MAN1C1: variants seen among roughly 807,000 people sequenced by gnomAD.
The protein encoded by MAN1C1 is mannosyl-oligosaccharide 1,2-alpha-mannosidase IC.
A neutral mutation model predicts 71.5 loss-of-function variants in MAN1C1; 49 were observed. The observed-to-expected ratio is 0.69, with a 90% confidence interval of 0.54 to 0.87. MAN1C1 has a LOEUF of 0.87. MAN1C1 is among the 40% of genes least tolerant of loss of function. The probability of loss-of-function intolerance (pLI) is 0.00; values close to 1 mark genes in which losing one functional copy is unlikely to be tolerated. For synonymous variants in MAN1C1, 352 were observed against 343.7 expected, an observed-to-expected ratio of 1.02 and a Z score of -0.27; for missense variants, 743 against 835.0, an observed-to-expected ratio of 0.89 and a Z score of 1.36.
chr1:25,771,825 TCTCACGGCCGAGCGAGGGTGCTGCGG>T, intron 8 of MAN1C1, 53 bp downstream of exon 8: 1 of 1,466,456 alleles, frequency 6.8e-7, no homozygotes, highest in Non-Finnish European at 9.5e-7. Flanking sequence ...CCCCCGGCTC[TCTCACGGCCGAGCGAGGGTGCTGCGG>T]GCAGCGGGGC....
rs1043171373 is a variant in MAN1C1 at position 25,700,168 on chromosome 1, A to C, written c.637+13632A>C. Among the ~76,000 whole-genome samples the C allele has an allele frequency of 2.0e-5, 3 of 152,314 alleles. No homozygotes were observed. In the South Asian group the frequency reaches 6.2e-4, roughly 32 times the overall value. On this transcript the variant is annotated intron_variant, in intron 2 of 11. Coordinates refer to ENST00000374332, the MANE Select transcript of MAN1C1 (RefSeq NM_020379.4). ...TGTTTTTAATGACTGGATAAAGCAC[A>C]ATTGCATTTTCTCCCCCAATAACTT...
At chr1:25,635,284 T>G (rs945923686) in intron 1 of MAN1C1, among the ~76,000 whole-genome samples, 38 of 151,698 alleles carry the variant, frequency 2.5e-4, no homozygotes, top group African/African-American at 8.7e-4. Context: ...TTGGGGGGGG[T>G]TAATTATTAA....
At chr1:25,696,629 C>CT (rs1273895073) in intron 2 of MAN1C1, among the ~76,000 whole-genome samples, 1 of 151,886 alleles carries the variant, frequency 6.6e-6, no homozygotes, top group East Asian at 1.9e-4. Flanking sequence ...AGCTGCTGTT[C>CT]TTTTTTTACT....
At position 25,709,182 on chromosome 1, in the gene MAN1C1, C is replaced by T. The variant is rs755703789; in HGVS notation, c.637+22646C>T. On this transcript the variant is annotated intron_variant, in intron 2 of 11. Transcript: ENST00000374332. ...TTTGAGAAGTGAAAGGCGGTATAGACGGCTGTCCTCCATGCCTTGGATTGT... is the reference window on the plus strand; with the variant it reads ...TTTGAGAAGTGAAAGGCGGTATAGATGGCTGTCCTCCATGCCTTGGATTGT... 9.9e-5 allele frequency among the ~76,000 whole-genome samples: 15 copies of T among 152,152 alleles called. No individual in the cohort carries two copies. The East Asian group carries it at 1.2e-3, about 12-fold the overall frequency.
chr1:25,781,189 G>C, intron 10 of MAN1C1, 77 bp downstream of exon 10: 3 of 1,539,228 alleles, frequency 1.9e-6, no homozygotes, highest in Non-Finnish European at 2.7e-6. Context: ...AGGTGCCCTG[G>C]CTTGGGCCTG....
chr1:25,676,559 T>C (rs80202126), intron 1 of MAN1C1, among the ~76,000 whole-genome samples: 2,704 of 152,150 alleles, frequency 0.018, 70 homozygotes, highest in African/African-American at 0.061. Context: ...GAGAAAAAAA[T>C]CAACCCAATG....
At chr1:25,651,188 TC>T (rs1240092222) in intron 1 of MAN1C1, among the ~76,000 whole-genome samples, 1 of 152,192 alleles carries the variant, frequency 6.6e-6, no homozygotes, top group Non-Finnish European at 1.5e-5. Context: ...CAGTGGGGAA[TC>T]CTCTGCCACA....
intron 1 of MAN1C1, among the ~76,000 whole-genome samples, chr1:25,639,398 G>A (rs1047298195): frequency 4.6e-5 from 7 of 152,036 alleles, no homozygotes; most frequent in Non-Finnish European, 7.4e-5. Flanking sequence ...ACATCTTAAC[G>A]TGTTTAGACA....
At chr1:25,755,234 G>T (rs2047270879) in intron 5 of MAN1C1, among the ~76,000 whole-genome samples, 1 of 152,236 alleles carries the variant, frequency 6.6e-6, no homozygotes, top group African/African-American at 2.4e-5. Flanking sequence ...ACCGGCCTGG[G>T]AGACTGAGGC....
At chr1:25,749,188 G>A in intron 3 of MAN1C1, 67 bp from the exon 4 acceptor site, 1 of 1,334,390 alleles carries the variant, frequency 7.5e-7, no homozygotes, top group Non-Finnish European at 1.1e-6. Flanking sequence ...TGGCCAGGGT[G>A]ACCTGTCTCA....
In MAN1C1 at chr1:25,778,751, CG is replaced by C. The variant is rs1056938476; in HGVS notation, c.1477+429del. Reference sequence around the variant, plus strand: ...TTCAAATGTGCCTCTGCCTTTCCCCCGGCACCCTCCTTAGAGGGGGTTTCAC... The same window carrying C: ...TTCAAATGTGCCTCTGCCTTTCCCCCGCACCCTCCTTAGAGGGGGTTTCAC... On this transcript the variant is annotated intron_variant, in intron 9 of 11. Transcript: ENST00000374332. This position sits in a 1 kb window ranked among gnomAD's most constrained non-coding sequence, Gnocchi z 5.5. Among the ~76,000 whole-genome samples, 1 of 152,130 alleles carries C rather than the reference CG, an allele frequency of 6.6e-6. No homozygotes were observed. The highest frequency in any genetic ancestry group is 2.4e-5 in the African/African-American group (1 of 41,420).
chr1:25,683,254 T>A (rs934268151), intron 1 of MAN1C1, among the ~76,000 whole-genome samples: 1 of 152,172 alleles, frequency 6.6e-6, no homozygotes, highest in Admixed American at 6.5e-5. Context: ...GAACTCTTGT[T>A]CATCTGTCCA....
intron 2 of MAN1C1, among the ~76,000 whole-genome samples, chr1:25,695,851 C>T (rs991505885): frequency 1.4e-4 from 22 of 152,358 alleles, no homozygotes; most frequent in Admixed American, 8.5e-4. Flanking sequence ...CTCTGGGCCT[C>T]GTCTCTTCAT....
intron 1 of MAN1C1, among the ~76,000 whole-genome samples, chr1:25,679,006 C>CGAGA (rs571148290): frequency 6.8e-6 from 1 of 147,604 alleles, no homozygotes; most frequent in African/African-American, 2.5e-5. Context: ...AGAGAGGAGA[C>CGAGA]GAGAGAGAGA....
chr1:25,684,038 C>T (rs1204221591), intron 1 of MAN1C1, among the ~76,000 whole-genome samples: 2 of 152,172 alleles, frequency 1.3e-5, no homozygotes, highest in African/African-American at 4.8e-5. Flanking sequence ...CACGTAGATA[C>T]CTATGATTCT....
chr1:25,626,902 G>A (rs528627334), intron 1 of MAN1C1, among the ~76,000 whole-genome samples: 13 of 152,204 alleles, frequency 8.5e-5, no homozygotes, highest in African/African-American at 4.8e-5. Context: ...AAAGGCCAGT[G>A]TATCAGTATT....
chr1:25,638,143 A>T (rs570186945), intron 1 of MAN1C1, among the ~76,000 whole-genome samples: 4 of 152,192 alleles, frequency 2.6e-5, no homozygotes, highest in African/African-American at 9.6e-5. Flanking sequence ...GAATTAATCA[A>T]GTATTTCAGA....
At chr1:25,724,027 T>A (rs976696088) in intron 2 of MAN1C1, among the ~76,000 whole-genome samples, 9 of 131,216 alleles carry the variant, frequency 6.9e-5, no homozygotes, top group African/African-American at 2.8e-4. Flanking sequence ...ACTGCCTACC[T>A]TTTTTTTTTT....
chr1:25,635,513 G>A (rs1348212826), intron 1 of MAN1C1, among the ~76,000 whole-genome samples: 3 of 149,430 alleles, frequency 2.0e-5, no homozygotes, highest in South Asian at 2.1e-4. Flanking sequence ...GCAATGGTGC[G>A]ATCTCAGCTC....
Sources: gnomAD v4.1 joint callset for allele counts (sites outside exome capture counted in the v4.1 genomes callset) on GRCh38, gnomAD v4.1.1 for gene constraint, Gnocchi (gnomAD v3.1) non-coding constraint, MANE v1.5 for transcripts, NCBI Gene and HGNC (gene_info 2026-07-23, HGNC 2026-07-21) for gene names.